Variants in CLEC4A observed in about 807,000 individuals in gnomAD.
CLEC4A encodes the protein C-type lectin domain family 4 member A.
CLEC4A carries 27 observed loss-of-function variants against 32.7 expected under a neutral mutation model. The ratio of observed to expected loss-of-function variants is 0.83; its 90% CI spans 0.61 to 1.14. CLEC4A has a LOEUF of 1.14. Among genes scored for constraint, CLEC4A ranks in the 50% most tolerant of loss-of-function variants. The pLI, the probability that CLEC4A is intolerant of heterozygous loss-of-function variation, is 0.00. For missense variants in CLEC4A, 253 were observed against 274.6 expected (o/e 0.92, Z 0.55); for synonymous variants, 89 against 93.7 (o/e 0.95, Z 0.29).
chr12:8,125,906 ATG>A (rs887600840), intron 2 of CLEC4A, among the ~76,000 whole-genome samples: 1 of 152,226 alleles, frequency 6.6e-6, no homozygotes, highest in Non-Finnish European at 1.5e-5. Flanking sequence ...TGAAGCATAA[ATG>A]TGGGTGTATG....
intron 3 of CLEC4A, among the ~76,000 whole-genome samples, chr12:8,131,480 T>C (rs1947995480): frequency 7.1e-6 from 1 of 141,042 alleles, no homozygotes; most frequent in Non-Finnish European, 1.5e-5. Context: ...GGCAGTCCAC[T>C]GAGTTTCCTC....
At chr12:8,113,228 G>T in the CLEC4A span, among the ~76,000 whole-genome samples, 1 of 148,848 alleles carries the variant, frequency 6.7e-6, no homozygotes, top group Non-Finnish European at 1.5e-5. Context: ...TTGGTTTTTT[G>T]TCCTTGCGAT....
chr12:8,134,823 G>C lies in CLEC4A; in HGVS notation c.299-762G>C, dbSNP rs1327483043. 3 of 1,548,902 alleles carry C rather than the reference G, an allele frequency of 1.9e-6. No homozygotes were observed. In the African/African-American group the frequency reaches 4.1e-5, roughly 21 times the overall value. On this transcript the variant is annotated intron_variant, in intron 3 of 5. Coordinates refer to ENST00000229332, the MANE Select transcript of CLEC4A (RefSeq NM_016184.4). Reference sequence around the variant, plus strand: ...TCCACCGCCTGGAGGGGGTGAGAAGGCGAAATCCGAAGCCAGGTGTCCCGC... The same window carrying C: ...TCCACCGCCTGGAGGGGGTGAGAAGCCGAAATCCGAAGCCAGGTGTCCCGC...
At chr12:8,129,702 A>G (rs1012314012) in intron 3 of CLEC4A, among the ~76,000 whole-genome samples, 1 of 152,186 alleles carries the variant, frequency 6.6e-6, no homozygotes, top group Admixed American at 6.5e-5. Context: ...GAGGCAGGAG[A>G]GTCGCTTGAA....
At chr12:8,103,735 A>T in the CLEC4A span, among the ~76,000 whole-genome samples, 1 of 151,790 alleles carries the variant, frequency 6.6e-6, no homozygotes, top group African/African-American at 2.4e-5. Flanking sequence ...CTAAATTAAA[A>T]TTTTTTCTGC....
chr12:8,118,467 G>T, the CLEC4A span, among the ~76,000 whole-genome samples: 1 of 152,080 alleles, frequency 6.6e-6, no homozygotes, highest in Non-Finnish European at 1.5e-5. Context: ...AGTTCTGCAG[G>T]CTATACAGGA....
chr12:8,134,546 C>G (rs1408144654), intron 3 of CLEC4A: 1 of 1,613,698 alleles, frequency 6.2e-7, no homozygotes, highest in Non-Finnish European at 8.5e-7. Context: ...TGCTCTCCAC[C>G]CCGACTCCTG....
chr12:8,103,359 C>A, the CLEC4A span, among the ~76,000 whole-genome samples: 2 of 34,088 alleles, frequency 5.9e-5, no homozygotes, highest in Non-Finnish European at 1.4e-4. Context: ...CTAGTTGTTT[C>A]TTTGTTTCTT....
chr12:8,104,087 T>A, the CLEC4A span, among the ~76,000 whole-genome samples: 5 of 152,248 alleles, frequency 3.3e-5, no homozygotes, highest in Non-Finnish European at 7.3e-5. Flanking sequence ...TTCTGTATTT[T>A]ACTCATTTTC....
At chr12:8,119,121 A>G (rs1372247126), upstream of CLEC4A, among the ~76,000 whole-genome samples, 1 of 152,276 alleles carries the variant, frequency 6.6e-6, no homozygotes, top group African/African-American at 2.4e-5. Flanking sequence ...TATAACATGG[A>G]TGAACCTCAA....
At chr12:8,120,829 C>T (rs1474781229), upstream of CLEC4A, 1 of 152,132 alleles carries the variant, frequency 6.6e-6, no homozygotes, top group African/African-American at 2.4e-5. Flanking sequence ...TCTGTGTTCT[C>T]CTTTGTGAAA....
At chr12:8,109,165 G>T in the CLEC4A span, among the ~76,000 whole-genome samples, 1 of 152,170 alleles carries the variant, frequency 6.6e-6, no homozygotes, top group Non-Finnish European at 1.5e-5. Context: ...CTGGATGGGG[G>T]CATTTAGTCT....
intron 3 of CLEC4A, chr12:8,133,759 A>G: frequency 6.3e-7 from 1 of 1,587,556 alleles, no homozygotes; most frequent in South Asian, 1.1e-5. Flanking sequence ...CATTCCTAGA[A>G]GGGCAGGCAC....
At chr12:8,129,717 G>T (rs1475592755) in intron 3 of CLEC4A, among the ~76,000 whole-genome samples, 1 of 152,160 alleles carries the variant, frequency 6.6e-6, no homozygotes, top group Non-Finnish European at 1.5e-5. Flanking sequence ...CTTGAACCCG[G>T]GAGGCAGAGG....
At chr12:8,127,807 C>A (rs1195606869) in intron 2 of CLEC4A, among the ~76,000 whole-genome samples, 1 of 152,178 alleles carries the variant, frequency 6.6e-6, no homozygotes, top group Non-Finnish European at 1.5e-5. Flanking sequence ...TAAAGTATGG[C>A]TCCAATATTC....
At chr12:8,134,551 C>G (rs762516211) in intron 3 of CLEC4A, 4 of 1,613,600 alleles carry the variant, frequency 2.5e-6, no homozygotes, top group Non-Finnish European at 3.4e-6. Flanking sequence ...TCCACCCCGA[C>G]TCCTGCTTCG....
At chr12:8,134,122 G>T (rs1948048970) in intron 3 of CLEC4A, 3 of 1,599,988 alleles carry the variant, frequency 1.9e-6, no homozygotes, top group African/African-American at 2.7e-5. Context: ...AATTCTCCAG[G>T]TTGCCTCTCA....
the CLEC4A span, among the ~76,000 whole-genome samples, chr12:8,116,030 G>A: frequency 6.6e-6 from 1 of 151,508 alleles, no homozygotes; most frequent in South Asian, 2.1e-4. Flanking sequence ...GTGTGATCTC[G>A]GCTTACCACA....
At chr12:8,117,302 G>A in the CLEC4A span, among the ~76,000 whole-genome samples, 8 of 151,510 alleles carry the variant, frequency 5.3e-5, no homozygotes, top group African/African-American at 1.9e-4. Flanking sequence ...GCAGTGGCAC[G>A]ATCTCGGCTC....
Sources: allele counts gnomAD v4.1 joint callset (sites outside exome capture counted in the v4.1 genomes callset), GRCh38; gene constraint gnomAD v4.1.1; transcripts MANE v1.5; gene names NCBI Gene and HGNC (gene_info 2026-07-23, HGNC 2026-07-21).